The following TENM3 variants were observed in gnomAD, a reference collection of about 807,000 sequenced individuals.
TENM3 encodes teneurin transmembrane protein 3.
A neutral mutation model predicts 255.1 loss-of-function variants in TENM3; 63 were observed. That is an observed-to-expected ratio of 0.25 (90% CI 0.20 to 0.30). The LOEUF (loss-of-function observed/expected upper bound fraction) is 0.30, where lower values mean the gene tolerates loss of function less well. Ranked by LOEUF, TENM3 falls within the 10% of genes least tolerant of loss-of-function variation. The pLI, the probability that TENM3 is intolerant of heterozygous loss-of-function variation, is 1.00. For missense variants in TENM3, 2,929 were observed against 3,461.1 expected (o/e 0.85, Z 3.86); for synonymous variants, 1,306 against 1,322.3 (o/e 0.99, Z 0.27).
At chr4:181,735,767 T>A in the TENM3 span, among the ~76,000 whole-genome samples, 1 of 152,136 alleles carries the variant, frequency 6.6e-6, no homozygotes, top group African/African-American at 2.4e-5. Flanking sequence ...CTTTCCTTAG[T>A]GCTACTAGAT....
Position 182,659,262 on chromosome 4 carries a change from T to C in TENM3, c.1111+5369T>C, listed in dbSNP as rs139991989. ...ACATCCCCCCCTCCACAGTTTTGCT[T>C]TTTGTGGTTTTAGTTACCTGTAGTC... On this transcript the variant is annotated intron_variant, in intron 6 of 27. Coordinates refer to ENST00000511685, the MANE Select transcript of TENM3 (RefSeq NM_001080477.4). Among the ~76,000 whole-genome samples the C allele has an allele frequency of 7.1e-3, 1,084 of 152,210 alleles. 17 individuals carry two copies. Among genetic ancestry groups the C allele is most frequent in the African/African-American group, 0.024 (978 of 41,544 alleles).
the TENM3 span, among the ~76,000 whole-genome samples, chr4:181,699,368 A>C: frequency 7.2e-6 from 1 of 138,930 alleles, no homozygotes; most frequent in Non-Finnish European, 1.5e-5. Flanking sequence ...TCTTGAGCCC[A>C]GGAGTTCCAG....
At chr4:181,709,937 T>G in the TENM3 span, among the ~76,000 whole-genome samples, 1 of 152,160 alleles carries the variant, frequency 6.6e-6, no homozygotes, top group Admixed American at 6.5e-5. Context: ...CTAGAGAGAC[T>G]GAAGAAGAAG....
chr4:182,387,268 G>A (rs917065700), intron 3 of TENM3, among the ~76,000 whole-genome samples: 4 of 152,186 alleles, frequency 2.6e-5, no homozygotes, highest in Non-Finnish European at 4.4e-5. Context: ...CTTTGTGAGT[G>A]CACCAATCGA....
rs572540920 is a variant in TENM3 at position 182,153,199 on chromosome 4, C to T, written c.-76+8445C>T. ...AGCCTGAAAAAGAAATTAGATGATC[C>T]GATAATTCTGGTGTTCTAAAAATTA... On this transcript the variant is annotated intron_variant, in intron 1 of 2. Coordinates refer to the TENM3 transcript ENST00000512480. 1.1e-4 allele frequency among the ~76,000 whole-genome samples: 16 copies of T among 151,802 alleles called. No homozygotes were observed. In the South Asian group the frequency reaches 1.9e-3, roughly 18 times the overall value.
intron 3 of TENM3, among the ~76,000 whole-genome samples, chr4:182,561,971 G>C (rs1743227773): frequency 7.1e-6 from 1 of 141,218 alleles, no homozygotes; most frequent in African/African-American, 2.6e-5. Flanking sequence ...TGTATATCCA[G>C]ATAGATAGAT....
At chr4:182,664,452 A>T (rs1378125894) in intron 6 of TENM3, among the ~76,000 whole-genome samples, 1 of 152,142 alleles carries the variant, frequency 6.6e-6, no homozygotes, top group Non-Finnish European at 1.5e-5. Context: ...CCTGAGACAA[A>T]ACAGTATTGA....
chr4:182,305,297 C>G (rs990335602), intron 1 of TENM3, among the ~76,000 whole-genome samples: 1 of 152,024 alleles, frequency 6.6e-6, no homozygotes, highest in African/African-American at 2.4e-5. Context: ...GCTTTTGTTT[C>G]TTTATCAATA....
chr4:181,797,941 T>C, the TENM3 span, among the ~76,000 whole-genome samples: 1 of 152,204 alleles, frequency 6.6e-6, no homozygotes, highest in African/African-American at 2.4e-5. Context: ...GTGACATTTA[T>C]GGTTCAGGAA....
chr4:181,641,804 C>CA, the TENM3 span, among the ~76,000 whole-genome samples: 3 of 37,410 alleles, frequency 8.0e-5, no homozygotes, highest in Admixed American at 8.9e-4. Context: ...TACACACACA[C>CA]CATATATATA....
the TENM3 span, among the ~76,000 whole-genome samples, chr4:181,840,964 TA>T: frequency 6.6e-6 from 1 of 152,212 alleles, no homozygotes; most frequent in Non-Finnish European, 1.5e-5. Context: ...TCTACTTTTT[TA>T]AAGTTTTGTA....
chr4:182,203,626 T>C (rs1410035834), intron 1 of TENM3, among the ~76,000 whole-genome samples: 1 of 152,220 alleles, frequency 6.6e-6, no homozygotes, highest in Non-Finnish European at 1.5e-5. Flanking sequence ...CCCGCTTTGC[T>C]GGGCCTGTAT....
At chr4:181,743,564 T>C in the TENM3 span, among the ~76,000 whole-genome samples, 1 of 152,168 alleles carries the variant, frequency 6.6e-6, no homozygotes, top group African/African-American at 2.4e-5. Flanking sequence ...AAGAAGCTGA[T>C]GCAAATGCTC....
chr4:182,212,209 T>A (rs1157697753), intron 1 of TENM3, among the ~76,000 whole-genome samples: 2 of 152,236 alleles, frequency 1.3e-5, no homozygotes, highest in South Asian at 4.1e-4. Context: ...AGACTGATAC[T>A]GAGCTGTGCC....
At chr4:181,933,812 C>G in the TENM3 span, among the ~76,000 whole-genome samples, 1 of 152,266 alleles carries the variant, frequency 6.6e-6, no homozygotes, top group South Asian at 2.1e-4. Flanking sequence ...CCTACGATAT[C>G]ACAAGAAATA....
chr4:181,922,728 A>G, the TENM3 span, among the ~76,000 whole-genome samples: 15 of 149,468 alleles, frequency 1.0e-4, no homozygotes, highest in African/African-American at 2.4e-4. Flanking sequence ...TTGTGTCTCT[A>G]TTTCCTTCAG....
chr4:182,389,042 G>A (rs945448963), intron 3 of TENM3, among the ~76,000 whole-genome samples: 5 of 152,134 alleles, frequency 3.3e-5, no homozygotes, highest in African/African-American at 1.2e-4. Context: ...CTATAGAAAT[G>A]TCTGAAGTTA....
At chr4:182,598,017 A>C (rs906958084) in intron 3 of TENM3, among the ~76,000 whole-genome samples, 3 of 152,092 alleles carry the variant, frequency 2.0e-5, no homozygotes, top group Non-Finnish European at 4.4e-5. Context: ...TTGTCTCTAC[A>C]AAAAATTTAA....
chr4:182,786,479 A>G (rs1487182844), intron 24 of TENM3, among the ~76,000 whole-genome samples: 1 of 151,048 alleles, frequency 6.6e-6, no homozygotes, highest in East Asian at 2.0e-4. Flanking sequence ...AATTGCTTGA[A>G]CCTGGAGGAG....
Sources: gnomAD v4.1 joint callset for allele counts (sites outside exome capture counted in the v4.1 genomes callset) on GRCh38, gnomAD v4.1.1 for gene constraint, MANE v1.5 for transcripts, NCBI Gene and HGNC (gene_info 2026-07-23, HGNC 2026-07-21) for gene names.